The following CDH4 variants were observed in gnomAD, a reference collection of about 807,000 sequenced individuals.
CDH4 encodes cadherin-4.
Under a neutral mutation model 86.0 loss-of-function variants are expected in CDH4, and 33 were observed. The ratio of observed to expected loss-of-function variants is 0.38; its 90% CI spans 0.29 to 0.51. CDH4 has a LOEUF of 0.51. CDH4 is among the 20% of genes least tolerant of loss of function. The probability of loss-of-function intolerance (pLI) is 0.86; values close to 1 mark genes in which losing one functional copy is unlikely to be tolerated. For synonymous variants in CDH4, 555 were observed against 549.4 expected, an observed-to-expected ratio of 1.01 and a Z score of -0.14; for missense variants, 1,114 against 1,307.4, an observed-to-expected ratio of 0.85 and a Z score of 2.28.
chr20:61,331,641 A>C (rs915325501), intron 2 of CDH4, among the ~76,000 whole-genome samples: 36 of 4,304 alleles, frequency 8.4e-3, no homozygotes, highest in South Asian at 9.8e-3. Context: ...CCCCAGACCC[A>C]CCTCCCGCCC....
In CDH4 at chr20:61,269,096, C is replaced by G. The variant is rs544737063; in HGVS notation, c.169+14159C>G. On this transcript the variant is annotated intron_variant, in intron 2 of 15. Coordinates refer to ENST00000614565, the MANE Select transcript of CDH4 (RefSeq NM_001794.5). This position sits in a 1 kb window ranked among gnomAD's most constrained non-coding sequence, Gnocchi z 5.3. ...CCCACTTGAGGGGTTAACAGCACCA[C>G]TGTCTGTTGTTCTGGTCCACTGATG... 1.6e-3 allele frequency among the ~76,000 whole-genome samples: 244 copies of G among 152,352 alleles called. 1 individual carries two copies. Among genetic ancestry groups the G allele is most frequent in the African/African-American group, 5.5e-3 (230 of 41,578 alleles).
chr20:61,907,584 C>T (rs1178721705), intron 8 of CDH4, among the ~76,000 whole-genome samples: 4 of 152,200 alleles, frequency 2.6e-5, no homozygotes, highest in Non-Finnish European at 4.4e-5. Flanking sequence ...TGTCCCACGG[C>T]GGCGCCAGCT....
intron 2 of CDH4, among the ~76,000 whole-genome samples, chr20:61,353,622 CCTCCTCAT>C (rs1568810240): frequency 0.016 from 2 of 126 alleles, no homozygotes; most frequent in East Asian, 0.25. Context: ...TCTTCCTCCT[CCTCCTCAT>C]CCTCCTCCTC....
At chr20:61,487,273 G>T (rs932892454) in intron 2 of CDH4, among the ~76,000 whole-genome samples, 2 of 152,114 alleles carry the variant, frequency 1.3e-5, no homozygotes, top group Non-Finnish European at 2.9e-5. Flanking sequence ...TCTGTTCTGC[G>T]GGGGAAGGGG....
chr20:61,751,964 G>C (rs2088501571), intron 3 of CDH4, among the ~76,000 whole-genome samples: 1 of 152,244 alleles, frequency 6.6e-6, no homozygotes, highest in African/African-American at 2.4e-5. Flanking sequence ...TGACCCCCGG[G>C]TGTGGAAAGC....
intron 2 of CDH4, among the ~76,000 whole-genome samples, chr20:61,455,644 GGTGCATTCACTGCCCCGGCCT>G (rs2085402920): frequency 6.6e-6 from 1 of 152,150 alleles, no homozygotes; most frequent in African/African-American, 2.4e-5. Context: ...TGCCATGCAG[GGTGCATTCACTGCCCCGGCCT>G]GTGCCCATAA....
intron 13 of CDH4, 59 bp from the exon 14 acceptor site, chr20:61,932,914 CATGGCAAACACA>C (rs2055131295): frequency 6.4e-7 from 1 of 1,566,508 alleles, no homozygotes; most frequent in Non-Finnish European, 8.7e-7. Flanking sequence ...CACATAGACA[CATGGCAAACACA>C]GAGGCACACA....
At chr20:61,642,581 C>T (rs2427218) in intron 2 of CDH4, among the ~76,000 whole-genome samples, 28,965 of 152,072 alleles carry the variant, frequency 0.19, 2,833 homozygotes, top group South Asian at 0.3. Context: ...AGACACGAAC[C>T]GCATGATCCT....
intron 4 of CDH4, among the ~76,000 whole-genome samples, chr20:61,802,296 C>T (rs1289218907): frequency 6.6e-6 from 1 of 152,216 alleles, no homozygotes; most frequent in Admixed American, 6.5e-5. Flanking sequence ...CACTCAAGGT[C>T]ACACAGCTCA....
At chr20:61,336,445 T>C (rs531664679) in intron 2 of CDH4, among the ~76,000 whole-genome samples, 45 of 152,292 alleles carry the variant, frequency 3.0e-4, no homozygotes, top group African/African-American at 9.6e-4. Context: ...ACGACCATGC[T>C]TTCCCTGTGG....
intron 2 of CDH4, among the ~76,000 whole-genome samples, chr20:61,686,753 ATATG>A (rs1366700930): frequency 2.7e-5 from 4 of 145,484 alleles, no homozygotes; most frequent in African/African-American, 5.1e-5. Context: ...GCATATGTGT[ATATG>A]TGCGTGTGCA....
chr20:61,403,105 C>T lies in CDH4; in HGVS notation c.169+148168C>T, dbSNP rs185069516. Among the ~76,000 whole-genome samples the T allele has an allele frequency of 9.2e-4, 140 of 152,298 alleles. 1 individual carries two copies. The East Asian group carries it at 0.026, about 28-fold the overall frequency. On this transcript the variant is annotated intron_variant, in intron 2 of 15. Coordinates refer to ENST00000614565, the MANE Select transcript of CDH4 (RefSeq NM_001794.5). ...CTCCTGCCCCCATTCTCCCTTTCTC[C>T]TTTTTCCTGCATGGAACACAGCTGT...
intron 2 of CDH4, among the ~76,000 whole-genome samples, chr20:61,318,110 A>G (rs955995659): frequency 1.5e-4 from 23 of 151,836 alleles, no homozygotes; most frequent in African/African-American, 5.6e-4. Flanking sequence ...TGGAGGTGGG[A>G]CCCATGCGCC....
At chr20:61,541,937 G>C (rs990950365) in intron 2 of CDH4, among the ~76,000 whole-genome samples, 1 of 152,160 alleles carries the variant, frequency 6.6e-6, no homozygotes, top group Non-Finnish European at 1.5e-5. Flanking sequence ...CTTGAAGCTG[G>C]ATATGGCTGT....
intron 7 of CDH4, among the ~76,000 whole-genome samples, chr20:61,887,192 C>T (rs898220540): frequency 8.5e-5 from 13 of 152,164 alleles, no homozygotes; most frequent in Admixed American, 2.6e-4. Context: ...CTCCCCAGTG[C>T]TCCCAGGGGA....
chr20:61,600,975 C>A (rs768007809), intron 2 of CDH4, among the ~76,000 whole-genome samples: 1 of 152,200 alleles, frequency 6.6e-6, no homozygotes, highest in Non-Finnish European at 1.5e-5. Context: ...CAGCCTTAGG[C>A]ACCTTGCCTG....
intron 2 of CDH4, among the ~76,000 whole-genome samples, chr20:61,343,551 C>G (rs6071590): frequency 0.18 from 27,805 of 151,980 alleles, 2,706 homozygotes; most frequent in African/African-American, 0.23. Flanking sequence ...TTTTTAAGAT[C>G]CTGCTGCAGC....
chr20:61,407,354 C>A (rs1425580719), intron 2 of CDH4, among the ~76,000 whole-genome samples: 1 of 152,204 alleles, frequency 6.6e-6, no homozygotes, highest in African/African-American at 2.4e-5. Context: ...CTTCTCAGCA[C>A]CTGGCATCTA....
chr20:61,730,671 C>T (rs941269610), intron 2 of CDH4, among the ~76,000 whole-genome samples: 2 of 152,238 alleles, frequency 1.3e-5, no homozygotes, highest in Admixed American at 1.3e-4. Flanking sequence ...CCGGCAGTTT[C>T]AGGCCCTGCC....
Sources: allele counts gnomAD v4.1 joint callset (sites outside exome capture counted in the v4.1 genomes callset), GRCh38; gene constraint gnomAD v4.1.1; non-coding constraint Gnocchi (gnomAD v3.1); transcripts MANE v1.5; gene names NCBI Gene and HGNC (gene_info 2026-07-23, HGNC 2026-07-21).